Variants in PIK3C2B observed in about 807,000 individuals in gnomAD.
PIK3C2B encodes the protein phosphatidylinositol 4-phosphate 3-kinase C2 domain-containing subunit beta.
PIK3C2B carries 83 observed loss-of-function variants against 184.3 expected under a neutral mutation model. The ratio of observed to expected loss-of-function variants is 0.45; its 90% CI spans 0.38 to 0.54. PIK3C2B has a LOEUF of 0.54. Among genes scored for constraint, PIK3C2B ranks in the 20% least tolerant of loss-of-function variants. The pLI is 0.00. For missense variants in PIK3C2B, 1,736 were observed against 2,113.5 expected (o/e 0.82, Z 3.50); for synonymous variants, 779 against 837.6 (o/e 0.93, Z 1.21).
At chr1:204,442,382 T>C in intron 20 of PIK3C2B, 144 bp downstream of exon 20, 1 of 606,690 alleles carries the variant, frequency 1.6e-6, no homozygotes, top group Admixed American at 2.6e-5. Flanking sequence ...GAGGAAAAGA[T>C]GCTAGGCCAA....
intron 20 of PIK3C2B, among the ~76,000 whole-genome samples, chr1:204,442,225 C>T (rs1675704344): frequency 6.6e-6 from 1 of 152,182 alleles, no homozygotes; most frequent in South Asian, 2.1e-4. Context: ...TGTGCCCATA[C>T]CCCCGTCTGT....
intron 1 of PIK3C2B, among the ~76,000 whole-genome samples, chr1:204,486,133 C>T (rs910695660): frequency 2.0e-5 from 3 of 152,050 alleles, no homozygotes; most frequent in African/African-American, 2.4e-5. Flanking sequence ...TGGTGGCTCA[C>T]GCCTGTAATC....
Position 204,460,516 on chromosome 1 carries a change from G to T in PIK3C2B, c.1422+34C>A. ...ATTGTATTCCCATTCCACCTCCCCAGCCCTGGGCAACCCTCCACCACCCTC... is the reference window on the plus strand; with the variant it reads ...ATTGTATTCCCATTCCACCTCCCCATCCCTGGGCAACCCTCCACCACCCTC... On this transcript the variant is annotated intron_variant, in intron 6 of 32. Coordinates refer to ENST00000684373, the MANE Select transcript of PIK3C2B (RefSeq NM_001377334.1). 3 of 1,580,578 alleles carry T rather than the reference G, an allele frequency of 1.9e-6. No homozygotes were observed. In the South Asian group the frequency reaches 3.3e-5, roughly 18 times the overall value.
At chr1:204,454,209 G>C (rs1020431137) in intron 12 of PIK3C2B, among the ~76,000 whole-genome samples, 1 of 149,892 alleles carries the variant, frequency 6.7e-6, no homozygotes, top group African/African-American at 2.5e-5. Flanking sequence ...GAGGCCAGGC[G>C]TGGTGGCTCA....
At chr1:204,454,886 G>C in intron 11 of PIK3C2B, 95 bp from the exon 12 acceptor site, 1 of 1,390,296 alleles carries the variant, frequency 7.2e-7, no homozygotes, top group East Asian at 2.3e-5. Flanking sequence ...ATTTCCCCTG[G>C]TAAAACTCTC....
chr1:204,465,003 A>T (rs1655633007), intron 3 of PIK3C2B, among the ~76,000 whole-genome samples: 1 of 152,168 alleles, frequency 6.6e-6, no homozygotes, highest in African/African-American at 2.4e-5. Flanking sequence ...TACTTTGACC[A>T]TTCAATGGAG....
rs1674632990 is a variant in PIK3C2B at position 204,424,334 on chromosome 1, TAAC to T, written c.*515_*517del. Reference sequence around the variant, plus strand: ...CTAGAAAACGAAACAACAACAACAATAACAAAAAAAAAAAACCTAGGGAAAAGT... The same window carrying T: ...CTAGAAAACGAAACAACAACAACAATAAAAAAAAAAAACCTAGGGAAAAGT... On this transcript the variant is annotated 3_prime_UTR_variant, in exon 33 of 33. Transcript: ENST00000684373. 5.1e-6 allele frequency: 1 copy of T among 196,792 alleles called. No homozygotes were observed. Among genetic ancestry groups the T allele is most frequent in the Non-Finnish European group, 1.0e-5 (1 of 96,540 alleles). 12.2% of individuals were successfully genotyped at this position (196,792 alleles called of 1,614,324 possible).
chr1:204,447,493 A>AGGCTGCCAAACTCATAGCGGG lies in PIK3C2B; in HGVS notation c.2411_2431dup (p.Pro804_Ser810dup). ...AAGCTTGCGCTGGTCTTCTTCCCGG[A>AGGCTGCCAAACTCATAGCGGG]GGCTGCCAAACTCATAGCGGGGGCT... On this transcript the variant is annotated inframe_insertion, in exon 15 of 33. Coordinates refer to ENST00000684373, the MANE Select transcript of PIK3C2B (RefSeq NM_001377334.1). This position sits in a 1 kb window ranked among gnomAD's most constrained non-coding sequence, Gnocchi z 4.1. The AGGCTGCCAAACTCATAGCGGG allele has an allele frequency of 6.2e-7, 1 of 1,612,806 alleles. No homozygotes were observed. The highest frequency in any genetic ancestry group is 8.5e-7 in the Non-Finnish European group (1 of 1,179,756).
intron 5 of PIK3C2B, among the ~76,000 whole-genome samples, chr1:204,462,164 G>GAT (rs1047837951): frequency 3.3e-5 from 5 of 152,116 alleles, no homozygotes; most frequent in African/African-American, 1.2e-4. Context: ...TGAGGGGTGT[G>GAT]ATCTGAGGAC....
intron 29 of PIK3C2B, 84 bp downstream of exon 29, chr1:204,429,837 T>C (rs1674943158): frequency 2.3e-6 from 2 of 863,360 alleles, no homozygotes; most frequent in Non-Finnish European, 3.9e-6. Context: ...TCCTGACTCC[T>C]AGTGCCTCCG....
chr1:204,477,414 C>T (rs1656793868), intron 1 of PIK3C2B, among the ~76,000 whole-genome samples: 1 of 152,232 alleles, frequency 6.6e-6, no homozygotes, highest in Non-Finnish European at 1.5e-5. Context: ...AACAAGAGGA[C>T]ATGCCTATGG....
At position 204,460,417 on chromosome 1, in the gene PIK3C2B, G is replaced by A. The variant is rs961995758; in HGVS notation, c.1423-14C>T. The A allele has an allele frequency of 3.1e-6, 5 of 1,607,894 alleles. No homozygotes were observed. In the African/African-American group the frequency reaches 5.4e-5, roughly 17 times the overall value. On this transcript the variant is annotated splice_polypyrimidine_tract_variant and intron_variant, in intron 6 of 32. Transcript: ENST00000684373. ...GTCATCATTCACCTGTATAAGAAGTGACCTATTCAGAGAGGGGCGGTGCCC... is the reference window on the plus strand; with the variant it reads ...GTCATCATTCACCTGTATAAGAAGTAACCTATTCAGAGAGGGGCGGTGCCC...
chr1:204,459,003 A>C (rs975354869), intron 8 of PIK3C2B, among the ~76,000 whole-genome samples: 32 of 152,236 alleles, frequency 2.1e-4, no homozygotes, highest in African/African-American at 7.5e-4. Flanking sequence ...TGGATCAATG[A>C]GACAGGGATT....
chr1:204,481,124 C>T (rs1657101844), intron 1 of PIK3C2B, among the ~76,000 whole-genome samples: 1 of 151,652 alleles, frequency 6.6e-6, no homozygotes, highest in Non-Finnish European at 1.5e-5. Flanking sequence ...CACCACACAC[C>T]TCCCATGCTT....
At chr1:204,440,735 T>C (rs1480752695) in intron 21 of PIK3C2B, among the ~76,000 whole-genome samples, 1 of 149,950 alleles carries the variant, frequency 6.7e-6, no homozygotes, top group Non-Finnish European at 1.5e-5. Flanking sequence ...TAGCTGGAAT[T>C]ACAGGTGCCT....
At chr1:204,457,667 C>A in intron 9 of PIK3C2B, 61 bp downstream of exon 9, 1 of 1,506,816 alleles carries the variant, frequency 6.6e-7, no homozygotes, top group Non-Finnish European at 8.9e-7. Flanking sequence ...CAACAGGCAA[C>A]TCAGTTACCT....
intron 1 of PIK3C2B, among the ~76,000 whole-genome samples, chr1:204,488,482 T>C (rs1024956663): frequency 1.3e-5 from 2 of 152,216 alleles, no homozygotes; most frequent in Non-Finnish European, 2.9e-5. Flanking sequence ...TGAACTACTC[T>C]TAGTGGACTA....
rs770118753 is a variant in PIK3C2B, at chr1:204,469,470, T to C, written c.333A>G (p.Pro111=). ...TGGGCCAGGGATCTGAGCCAGGCTG[T>C]GGCCCTTGGGAGGTAGAGTGGTTGG... ...GPPNHSTSQG[P]QPGSDPWPKG... The change falls in exon 2 of 33, where the codon CCA becomes CCG. Residue 111 remains proline, a synonymous_variant. Coordinates refer to ENST00000684373, the MANE Select transcript of PIK3C2B (RefSeq NM_001377334.1). 1.9e-6 allele frequency: 3 copies of C among 1,602,522 alleles called. No homozygotes were observed. Among genetic ancestry groups the C allele is most frequent in the Non-Finnish European group, 2.6e-6 (3 of 1,174,706 alleles).
At chr1:204,454,842 C>A in intron 11 of PIK3C2B, 51 bp from the exon 12 acceptor site, 1 of 1,580,638 alleles carries the variant, frequency 6.3e-7, no homozygotes, top group Non-Finnish European at 8.6e-7. Context: ...AAACCAATCA[C>A]CCAAACCTAT....
Sources: allele counts gnomAD v4.1 joint callset (sites outside exome capture counted in the v4.1 genomes callset), GRCh38; gene constraint gnomAD v4.1.1; non-coding constraint Gnocchi (gnomAD v3.1); transcripts MANE v1.5; gene names NCBI Gene and HGNC (gene_info 2026-07-23, HGNC 2026-07-21).